ADGRL4: variants seen among roughly 807,000 people sequenced by gnomAD.
ADGRL4 encodes the protein EGF, latrophilin and seven transmembrane domain containing 1.
In ADGRL4, 90 loss-of-function variants were observed where a neutral mutation model predicts 74.8. That is an observed-to-expected ratio of 1.20 (90% confidence interval 1.02 to 1.43). ADGRL4 has a LOEUF of 1.43. Ranked by LOEUF, ADGRL4 falls within the 40% of genes most tolerant of loss-of-function variation. ADGRL4 has a pLI of 0.00. For missense variants in ADGRL4, 881 were observed against 814.3 expected (o/e 1.08, Z -1.00); for synonymous variants, 311 against 279.2 (o/e 1.11, Z -1.14).
chr1:78,966,133 G>T (rs538833382), intron 2 of ADGRL4, among the ~76,000 whole-genome samples: 2 of 152,090 alleles, frequency 1.3e-5, no homozygotes, highest in Non-Finnish European at 2.9e-5. Context: ...ATAGCCAGGC[G>T]GGAAGAAGCT....
rs142490171 is a variant in ADGRL4, at chr1:78,900,108, G to A, written c.1750-6919C>T. On this transcript the variant is annotated intron_variant, in intron 12 of 14. Coordinates refer to ENST00000370742, the MANE Select transcript of ADGRL4 (RefSeq NM_022159.4). The stretch of plus-strand genomic sequence containing the variant: ...TAAGCAGGAAAAGACACCAACAGCT[G>A]TTGCTGGCTTTGAAGATGAATGAGA... 2.6e-5 allele frequency among the ~76,000 whole-genome samples: 4 copies of A among 152,262 alleles called. No individual in the cohort carries two copies. The East Asian group carries it at 7.7e-4, about 29-fold the overall frequency.
At chr1:78,910,837 T>G (rs897485544) in intron 12 of ADGRL4, among the ~76,000 whole-genome samples, 23 of 151,832 alleles carry the variant, frequency 1.5e-4, no homozygotes, top group African/African-American at 4.8e-4. Flanking sequence ...ATGTAGTGAT[T>G]CATAGATAGA....
At chr1:78,929,729 C>G (rs559900316) in intron 7 of ADGRL4, among the ~76,000 whole-genome samples, 46 of 151,554 alleles carry the variant, frequency 3.0e-4, no homozygotes, top group South Asian at 1.0e-3. Context: ...CATTTTCTTA[C>G]TCTCCTTTAC....
intron 12 of ADGRL4, among the ~76,000 whole-genome samples, chr1:78,908,889 TA>T (rs1271161598): frequency 6.6e-6 from 1 of 151,984 alleles, no homozygotes; most frequent in Non-Finnish European, 1.5e-5. Context: ...TCTTTGAAGG[TA>T]TTTCCAGTAA....
intron 2 of ADGRL4, among the ~76,000 whole-genome samples, chr1:78,981,777 T>C (rs949923835): frequency 6.6e-6 from 1 of 151,880 alleles, no homozygotes; most frequent in Non-Finnish European, 1.5e-5. Context: ...TGTCTTGTGT[T>C]ATGAATTAAG....
intron 2 of ADGRL4, among the ~76,000 whole-genome samples, chr1:78,971,607 AG>A (rs1211682157): frequency 6.6e-6 from 1 of 152,180 alleles, no homozygotes; most frequent in East Asian, 1.9e-4. Flanking sequence ...CATCCTTCAA[AG>A]TATCTGTGAG....
At chr1:78,972,992 T>C (rs1476999240) in intron 2 of ADGRL4, among the ~76,000 whole-genome samples, 3 of 152,206 alleles carry the variant, frequency 2.0e-5, no homozygotes, top group South Asian at 4.1e-4. Flanking sequence ...CACATACTTC[T>C]GTAGTTTTAA....
chr1:78,923,523 T>A (rs1223966094), intron 8 of ADGRL4, among the ~76,000 whole-genome samples: 1 of 151,822 alleles, frequency 6.6e-6, no homozygotes, highest in African/African-American at 2.4e-5. Context: ...GAATGGGTGG[T>A]CATGAACCCC....
rs78237403 is a variant in ADGRL4, at chr1:78,918,063, G to T, written c.1462-13C>A. On this transcript the variant is annotated splice_polypyrimidine_tract_variant and intron_variant, in intron 10 of 14. Coordinates refer to ENST00000370742, the MANE Select transcript of ADGRL4 (RefSeq NM_022159.4). ...TTGAACAGAAGAGCTAGAAATCAAA[G>T]AAAAAAAAAAAAACATTGTCAGTGT... 4 of 1,176,038 alleles carry T rather than the reference G, an allele frequency of 3.4e-6. No homozygotes were observed. Among genetic ancestry groups the T allele is most frequent in the Non-Finnish European group, 4.7e-6 (4 of 858,034 alleles). 72.9% of individuals were successfully genotyped at this position (1,176,038 alleles called of 1,614,324 possible).
chr1:78,954,371 G>A (rs1193381526), intron 2 of ADGRL4, among the ~76,000 whole-genome samples: 1 of 151,810 alleles, frequency 6.6e-6, no homozygotes, highest in African/African-American at 2.4e-5. Flanking sequence ...TTAAAAAACA[G>A]GGAAAAAAGA....
chr1:78,938,898 T>C (rs576238947), intron 4 of ADGRL4, among the ~76,000 whole-genome samples: 108 of 152,096 alleles, frequency 7.1e-4, no homozygotes, highest in Non-Finnish European at 1.2e-3. Context: ...TCAAAGTATC[T>C]CTTTACTATT....
chr1:78,949,050 C>T (rs1163978223), intron 2 of ADGRL4, among the ~76,000 whole-genome samples: 1 of 151,954 alleles, frequency 6.6e-6, no homozygotes, highest in Non-Finnish European at 1.5e-5. Flanking sequence ...TTATATTAAA[C>T]TTTAAAAGAA....
At chr1:78,977,388 T>C (rs1157401971) in intron 2 of ADGRL4, among the ~76,000 whole-genome samples, 2 of 151,828 alleles carry the variant, frequency 1.3e-5, no homozygotes, top group African/African-American at 4.8e-5. Context: ...AATTGTGGTG[T>C]TGGTTAAATG....
intron 6 of ADGRL4, among the ~76,000 whole-genome samples, chr1:78,937,130 A>T (rs1466768337): frequency 3.3e-5 from 5 of 152,234 alleles, no homozygotes; most frequent in African/African-American, 1.2e-4. Context: ...CATGCAAAGG[A>T]TTCTTAAATA....
At chr1:78,911,900 C>T (rs1422446729) in intron 12 of ADGRL4, among the ~76,000 whole-genome samples, 3 of 151,762 alleles carry the variant, frequency 2.0e-5, no homozygotes, top group South Asian at 2.1e-4. Context: ...CAAGGCTAGG[C>T]GTAGAAAAAT....
chr1:78,948,514 G>C (rs901105691), intron 2 of ADGRL4, among the ~76,000 whole-genome samples: 1 of 152,116 alleles, frequency 6.6e-6, no homozygotes, highest in Non-Finnish European at 1.5e-5. Context: ...AGCATATGGA[G>C]GTGGGAGGAA....
chr1:78,981,733 TA>T (rs1188617550), intron 2 of ADGRL4, among the ~76,000 whole-genome samples: 1 of 151,892 alleles, frequency 6.6e-6, no homozygotes, highest in Non-Finnish European at 1.5e-5. Context: ...CCCAGTTTTA[TA>T]AAAGTGTCTG....
intron 12 of ADGRL4, among the ~76,000 whole-genome samples, chr1:78,909,026 T>C (rs1648703059): frequency 6.6e-6 from 1 of 151,846 alleles, no homozygotes; most frequent in South Asian, 2.1e-4. Context: ...CAAAATAATA[T>C]GAAAAAAAGT....
At chr1:78,952,143 T>A (rs1649742847) in intron 2 of ADGRL4, among the ~76,000 whole-genome samples, 1 of 152,020 alleles carries the variant, frequency 6.6e-6, no homozygotes. Flanking sequence ...TTGGCCGGGC[T>A]CAAATTGATT....
Sources: allele counts gnomAD v4.1 joint callset (sites outside exome capture counted in the v4.1 genomes callset), GRCh38; gene constraint gnomAD v4.1.1; transcripts MANE v1.5; gene names NCBI Gene and HGNC (gene_info 2026-07-23, HGNC 2026-07-21).